ADAMTS6: variants seen among roughly 807,000 people sequenced by gnomAD.
ADAMTS6 encodes the protein ADAM metallopeptidase with thrombospondin type 1 motif 6, also known as A disintegrin and metalloproteinase with thrombospondin motifs 6.
In ADAMTS6, 23 loss-of-function variants were observed where a neutral mutation model predicts 144.3. The ratio of observed to expected loss-of-function variants is 0.16; its 90% CI spans 0.11 to 0.23. The LOEUF (loss-of-function observed/expected upper bound fraction) is 0.23. ADAMTS6 is among the 10% of genes least tolerant of loss of function. ADAMTS6 has a pLI of 1.00. For missense variants in ADAMTS6, 999 were observed against 1,379.6 expected (o/e 0.72, Z 4.37); for synonymous variants, 444 against 457.5 (o/e 0.97, Z 0.38).
At chr5:65,404,881 TTC>T (rs1361707367) in intron 7 of ADAMTS6, among the ~76,000 whole-genome samples, 9 of 152,334 alleles carry the variant, frequency 5.9e-5, no homozygotes, top group African/African-American at 1.9e-4. Context: ...TGATTTGCAT[TTC>T]TCTGATGGCC....
At chr5:65,365,738 G>C (rs1750246745) in intron 7 of ADAMTS6, among the ~76,000 whole-genome samples, 1 of 151,898 alleles carries the variant, frequency 6.6e-6, no homozygotes, top group African/African-American at 2.4e-5. Flanking sequence ...CCTGTTATAA[G>C]GACCCTATTT....
At chr5:65,212,793 C>T (rs1442549084) in intron 20 of ADAMTS6, among the ~76,000 whole-genome samples, 1 of 152,170 alleles carries the variant, frequency 6.6e-6, no homozygotes, top group African/African-American at 2.4e-5. Flanking sequence ...TGCTAATATG[C>T]ATCCCCTTAG....
chr5:65,435,853 A>G (rs1757356315), intron 7 of ADAMTS6, among the ~76,000 whole-genome samples: 2 of 151,968 alleles, frequency 1.3e-5, no homozygotes, highest in South Asian at 4.1e-4. Context: ...CTTGAACTCC[A>G]GACCTCAAGT....
intron 15 of ADAMTS6, among the ~76,000 whole-genome samples, chr5:65,237,775 GT>G (rs1297554799): frequency 6.6e-6 from 1 of 152,078 alleles, no homozygotes; most frequent in Non-Finnish European, 1.5e-5. Flanking sequence ...ATCACATGGG[GT>G]TTATCCTAGA....
intron 10 of ADAMTS6, among the ~76,000 whole-genome samples, chr5:65,295,363 T>A (rs1050087100): frequency 1.3e-5 from 2 of 152,134 alleles, no homozygotes; most frequent in African/African-American, 4.8e-5. Context: ...AATTCTTACA[T>A]GTCCAGTGTT....
intron 12 of ADAMTS6, among the ~76,000 whole-genome samples, chr5:65,269,372 T>C (rs899109570): frequency 6.6e-6 from 1 of 152,200 alleles, no homozygotes; most frequent in Non-Finnish European, 1.5e-5. Flanking sequence ...TCTACTCACA[T>C]TGCTTTCTTA....
At chr5:65,206,851 CACACACACACACACACAAAT>C (rs1756136937) in intron 20 of ADAMTS6, among the ~76,000 whole-genome samples, 1 of 151,094 alleles carries the variant, frequency 6.6e-6, no homozygotes, top group African/African-American at 2.4e-5. Flanking sequence ...CACACACACA[CACACACACACACACACAAAT>C]ACACACACAC....
chr5:65,152,971 A>G (rs1398021231), intron 24 of ADAMTS6, among the ~76,000 whole-genome samples: 1 of 152,222 alleles, frequency 6.6e-6, no homozygotes, highest in African/African-American at 2.4e-5. Flanking sequence ...ATTAGGAATC[A>G]GGCTGGGCAG....
intron 14 of ADAMTS6, among the ~76,000 whole-genome samples, chr5:65,252,529 T>C (rs999899965): frequency 4.6e-5 from 7 of 151,284 alleles, no homozygotes; most frequent in African/African-American, 1.7e-4. Flanking sequence ...GCATGAGCCA[T>C]TGTGCCTGGC....
chr5:65,326,992 C>G (rs1005196199), intron 9 of ADAMTS6, among the ~76,000 whole-genome samples: 2 of 152,090 alleles, frequency 1.3e-5, no homozygotes, highest in African/African-American at 4.8e-5. Flanking sequence ...GAAATGTGAT[C>G]CCAAATACTG....
intron 15 of ADAMTS6, among the ~76,000 whole-genome samples, chr5:65,235,740 C>A (rs893303583): frequency 3.3e-5 from 5 of 152,136 alleles, no homozygotes; most frequent in African/African-American, 1.2e-4. Context: ...ATTGTGGGAC[C>A]TTGTGATCGT....
At chr5:65,229,678 G>A (rs1485046045) in intron 15 of ADAMTS6, among the ~76,000 whole-genome samples, 2 of 152,056 alleles carry the variant, frequency 1.3e-5, no homozygotes, top group African/African-American at 2.4e-5. Flanking sequence ...ATCAACAGTA[G>A]ACTTGATCCA....
chr5:65,477,453 C>T (rs1015298694), intron 1 of ADAMTS6, among the ~76,000 whole-genome samples: 2 of 152,086 alleles, frequency 1.3e-5, no homozygotes, highest in Non-Finnish European at 2.9e-5. Flanking sequence ...AACTATTTTT[C>T]CCTCTTGAGA....
intron 7 of ADAMTS6, among the ~76,000 whole-genome samples, chr5:65,366,001 A>G (rs1750274232): frequency 6.6e-6 from 1 of 151,694 alleles, no homozygotes; most frequent in South Asian, 2.1e-4. Context: ...TATAATCATT[A>G]AATAAAACAA....
chr5:65,160,949 G>T (rs994363174), intron 24 of ADAMTS6, among the ~76,000 whole-genome samples: 13 of 152,102 alleles, frequency 8.5e-5, no homozygotes, highest in African/African-American at 3.1e-4. Flanking sequence ...ACCATGCCCG[G>T]CCTCTTTTCT....
At chr5:65,252,863 G>A (rs893087074) in intron 14 of ADAMTS6, among the ~76,000 whole-genome samples, 1 of 151,776 alleles carries the variant, frequency 6.6e-6, no homozygotes, top group African/African-American at 2.4e-5. Flanking sequence ...CTAATATTCT[G>A]GATTTTCTAT....
At chr5:65,450,037 T>C (rs563564654) in intron 7 of ADAMTS6, among the ~76,000 whole-genome samples, 11 of 152,328 alleles carry the variant, frequency 7.2e-5, no homozygotes, top group Non-Finnish European at 1.2e-4. Context: ...ATAACAGATA[T>C]CTTCTTCTAG....
chr5:65,170,525 T>C, intron 24 of ADAMTS6, 92 bp downstream of exon 24: 1 of 1,410,900 alleles, frequency 7.1e-7, no homozygotes, highest in Non-Finnish European at 9.7e-7. Context: ...CAAACTACAC[T>C]ACAGTAGTGG....
At chr5:65,167,003 G>T (rs1205779894) in intron 24 of ADAMTS6, among the ~76,000 whole-genome samples, 1 of 146,914 alleles carries the variant, frequency 6.8e-6, no homozygotes, top group East Asian at 2.0e-4. Flanking sequence ...ACATTCAAAA[G>T]CTAGCAGAAG....
Sources: gnomAD v4.1 joint callset for allele counts (sites outside exome capture counted in the v4.1 genomes callset) on GRCh38, gnomAD v4.1.1 for gene constraint, MANE v1.5 for transcripts, NCBI Gene and HGNC (gene_info 2026-07-23, HGNC 2026-07-21) for gene names.